Variants in TENM2 observed in about 807,000 individuals in gnomAD.
TENM2 encodes the protein teneurin-2.
In TENM2, 52 loss-of-function variants were observed where a neutral mutation model predicts 245.2. The observed-to-expected ratio is 0.21, with a 90% CI of 0.17 to 0.27. The LOEUF (loss-of-function observed/expected upper bound fraction) is 0.27. Ranked by LOEUF, TENM2 falls within the 10% of genes least tolerant of loss-of-function variation. The pLI is 1.00. For synonymous variants in TENM2, 1,363 were observed against 1,438.9 expected, an observed-to-expected ratio of 0.95 and a Z score of 1.19; for missense variants, 3,046 against 3,666.8, an observed-to-expected ratio of 0.83 and a Z score of 4.37.
intron 12 of TENM2, among the ~76,000 whole-genome samples, chr5:168,153,519 A>C (rs986581194): frequency 1.3e-5 from 2 of 152,252 alleles, no homozygotes; most frequent in African/African-American, 2.4e-5. Flanking sequence ...AAGTGGGTGC[A>C]GGGAGCGTAG....
chr5:167,385,385 C>A (rs1036638564), intron 2 of TENM2, among the ~76,000 whole-genome samples: 5 of 150,894 alleles, frequency 3.3e-5, no homozygotes, highest in African/African-American at 1.2e-4. Context: ...TTTTTTCAAG[C>A]TTTCTGCTTG....
At chr5:168,176,865 CTATA>C (rs1759407539) in intron 13 of TENM2, among the ~76,000 whole-genome samples, 1 of 152,198 alleles carries the variant, frequency 6.6e-6, no homozygotes, top group South Asian at 2.1e-4. Context: ...ACCCAAGTCA[CTATA>C]TACCGCTGAT....
chr5:167,249,257 A>G, the TENM2 span, among the ~76,000 whole-genome samples: 2 of 152,168 alleles, frequency 1.3e-5, no homozygotes, highest in African/African-American at 2.4e-5. Flanking sequence ...CAAATGAAAT[A>G]CAAGGTATGA....
intron 2 of TENM2, among the ~76,000 whole-genome samples, chr5:167,648,709 C>A (rs1780135667): frequency 6.6e-6 from 1 of 152,178 alleles, no homozygotes; most frequent in South Asian, 2.1e-4. Context: ...CAGGGGGACC[C>A]TTCACCACAG....
intron 20 of TENM2, among the ~76,000 whole-genome samples, chr5:168,214,003 C>T (rs1314048411): frequency 6.6e-6 from 1 of 152,182 alleles, no homozygotes; most frequent in African/African-American, 2.4e-5. Flanking sequence ...CAGTGACAGG[C>T]ACTACAAAGG....
chr5:167,342,719 G>C (rs534176158), intron 1 of TENM2, among the ~76,000 whole-genome samples: 2 of 151,652 alleles, frequency 1.3e-5, no homozygotes, highest in East Asian at 3.9e-4. Flanking sequence ...AGTAGAGACG[G>C]GGTTTCACCT....
rs1229691773 is a variant in TENM2 at position 167,350,996 on chromosome 5, AT to A, written c.227-24200del. The stretch of plus-strand genomic sequence containing the variant: ...TATATACATATGGATATATATATGG[AT>A]TATATACATATGGATATATATATAT... On this transcript the variant is annotated intron_variant, in intron 1 of 28. Transcript: ENST00000518659. Among the ~76,000 whole-genome samples, 6 of 63,542 alleles carry A rather than the reference AT, an allele frequency of 9.4e-5. 1 individual carries two copies. The highest frequency in any genetic ancestry group is 1.8e-4 in the Non-Finnish European group (5 of 27,536). 41.7% of individuals were successfully genotyped at this position (63,542 alleles called of 152,430 possible).
At chr5:167,719,904 C>T (rs945502289) in intron 2 of TENM2, among the ~76,000 whole-genome samples, 4 of 151,982 alleles carry the variant, frequency 2.6e-5, no homozygotes, top group African/African-American at 9.7e-5. Context: ...CAAAAGCACA[C>T]AGGTTGAGAA....
At chr5:168,199,221 A>G in intron 16 of TENM2, 107 bp downstream of exon 18, 1 of 1,211,536 alleles carries the variant, frequency 8.3e-7, no homozygotes, top group Non-Finnish European at 1.1e-6. Context: ...TAGGGGAGTA[A>G]AAAAAGTGGG....
chr5:168,217,024 G>C, intron 22 of TENM2, 102 bp downstream of exon 24: 1 of 1,249,976 alleles, frequency 8.0e-7, no homozygotes. Flanking sequence ...GGGAGGGAGA[G>C]ATACAGATAC....
chr5:167,024,178 G>T, the TENM2 span, among the ~76,000 whole-genome samples: 3 of 152,102 alleles, frequency 2.0e-5, no homozygotes, highest in African/African-American at 7.2e-5. Context: ...AGTGTTAATC[G>T]AGTCTCTCAT....
chr5:167,994,745 C>A lies in TENM2; in HGVS notation c.1186+1563C>A, dbSNP rs180708075. Among the ~76,000 whole-genome samples the A allele has an allele frequency of 2.6e-5, 4 of 152,284 alleles. No individual in the cohort carries two copies. In the East Asian group the frequency reaches 7.7e-4, roughly 29 times the overall value. Reference sequence around the variant, plus strand: ...GCTTGCACTCTAAACCACAGCTGTACACGGGAACTGAGGCCTGAGACCCAA... The same window carrying A: ...GCTTGCACTCTAAACCACAGCTGTAAACGGGAACTGAGGCCTGAGACCCAA... On this transcript the variant is annotated intron_variant, in intron 5 of 28. Coordinates refer to ENST00000518659, the Ensembl canonical transcript of TENM2.
intron 2 of TENM2, among the ~76,000 whole-genome samples, chr5:167,675,173 A>T (rs572970941): frequency 1.3e-5 from 2 of 152,258 alleles, no homozygotes; most frequent in African/African-American, 2.4e-5. Context: ...GTCTAATGAA[A>T]TTGGCATGGT....
chr5:167,343,447 C>T (rs544561921), intron 1 of TENM2, among the ~76,000 whole-genome samples: 2 of 152,286 alleles, frequency 1.3e-5, no homozygotes, highest in South Asian at 4.1e-4. Context: ...CTCTCCCATA[C>T]AGTATGGAGA....
At chr5:167,119,866 A>C in the TENM2 span, among the ~76,000 whole-genome samples, 1 of 152,204 alleles carries the variant, frequency 6.6e-6, no homozygotes, top group Non-Finnish European at 1.5e-5. Context: ...AGAATGTGAA[A>C]TATGATACAA....
intron 3 of TENM2, chr5:167,938,653 C>T (rs1489419716): frequency 6.6e-6 from 1 of 152,090 alleles, no homozygotes; most frequent in Admixed American, 6.5e-5. Flanking sequence ...AACATGTGAA[C>T]AAATGAAGAC....
At chr5:167,782,252 G>A (rs1208341390) in intron 2 of TENM2, among the ~76,000 whole-genome samples, 1 of 147,650 alleles carries the variant, frequency 6.8e-6, no homozygotes, top group African/African-American at 2.5e-5. Context: ...GGTAGAGGTT[G>A]CGGTGAGCCA....
chr5:167,572,317 A>G (rs1403088526), intron 2 of TENM2, among the ~76,000 whole-genome samples: 1 of 152,174 alleles, frequency 6.6e-6, no homozygotes, highest in Non-Finnish European at 1.5e-5. Flanking sequence ...AGGAATTCCA[A>G]ATTGCAAGAT....
chr5:167,853,439 T>C (rs1770792875), intron 2 of TENM2, among the ~76,000 whole-genome samples: 2 of 151,968 alleles, frequency 1.3e-5, no homozygotes, highest in Non-Finnish European at 2.9e-5. Context: ...ATAAATAAGG[T>C]TCTGTGACCC....
Sources: gnomAD v4.1 joint callset for allele counts (sites outside exome capture counted in the v4.1 genomes callset) on GRCh38, gnomAD v4.1.1 for gene constraint, MANE v1.5 for transcripts, NCBI Gene and HGNC (gene_info 2026-07-23, HGNC 2026-07-21) for gene names.